GRID2: variants seen among roughly 807,000 people sequenced by gnomAD.
The protein encoded by GRID2 is glutamate receptor ionotropic, delta-2.
Under a neutral mutation model 114.8 loss-of-function variants are expected in GRID2, and 33 were observed. That is an observed-to-expected ratio of 0.29 (90% CI 0.22 to 0.38). The LOEUF is 0.38. GRID2 is among the 10% of genes least tolerant of loss of function. The pLI is 1.00. For synonymous variants in GRID2, 505 were observed against 449.9 expected (o/e 1.12, Z -1.55); for missense variants, 1,184 against 1,257.7 (o/e 0.94, Z 0.89).
intron 1 of GRID2, among the ~76,000 whole-genome samples, chr4:92,438,578 CTGTGTG>C (rs34304139): frequency 1.0e-4 from 15 of 146,976 alleles, no homozygotes; most frequent in Non-Finnish European, 1.2e-4. Context: ...AGTTTACCTT[CTGTGTG>C]TGTGTGTGTG....
At chr4:93,396,207 C>T (rs1045635272) in intron 9 of GRID2, among the ~76,000 whole-genome samples, 1 of 151,962 alleles carries the variant, frequency 6.6e-6, no homozygotes, top group African/African-American at 2.4e-5. Flanking sequence ...CATCTACTGT[C>T]GACTGTATTC....
intron 13 of GRID2, among the ~76,000 whole-genome samples, chr4:93,526,157 G>A (rs943980452): frequency 3.3e-5 from 5 of 152,126 alleles, no homozygotes; most frequent in Non-Finnish European, 5.9e-5. Flanking sequence ...GATCATGGGC[G>A]TAGTTTCTCC....
chr4:92,963,888 G>A (rs1361930979), intron 2 of GRID2, among the ~76,000 whole-genome samples: 2 of 151,968 alleles, frequency 1.3e-5, no homozygotes, highest in African/African-American at 4.8e-5. Context: ...GCTGCAGAAT[G>A]GATGTTGTGT....
At chr4:92,907,814 A>G (rs567538133) in intron 2 of GRID2, among the ~76,000 whole-genome samples, 1 of 151,968 alleles carries the variant, frequency 6.6e-6, no homozygotes, top group Non-Finnish European at 1.5e-5. Flanking sequence ...ACCTGAGGTT[A>G]GGAGTTCGAG....
intron 1 of GRID2, among the ~76,000 whole-genome samples, chr4:92,433,620 G>A (rs1732582612): frequency 6.6e-6 from 1 of 152,150 alleles, no homozygotes. Flanking sequence ...GGTGGCATTA[G>A]CAATTCAAGA....
At chr4:93,145,608 G>GAC (rs1736141132) in intron 4 of GRID2, among the ~76,000 whole-genome samples, 1 of 137,434 alleles carries the variant, frequency 7.3e-6, no homozygotes, top group Non-Finnish European at 1.5e-5. Context: ...ACAGGTGCCT[G>GAC]ACACCCCACC....
intron 1 of GRID2, among the ~76,000 whole-genome samples, chr4:93,790,335 G>A (rs1164618613): frequency 1.3e-5 from 2 of 152,062 alleles, no homozygotes; most frequent in Non-Finnish European, 2.9e-5. Context: ...AAATGAGCAT[G>A]ACTAATTCAA....
chr4:92,351,265 A>C (rs74577639), intron 1 of GRID2, among the ~76,000 whole-genome samples: 2,284 of 151,924 alleles, frequency 0.015, 48 homozygotes, highest in African/African-American at 0.052. Context: ...CTTTTCCAAA[A>C]CAGCTGCATT....
chr4:93,342,270 T>C (rs1036409767), intron 8 of GRID2, among the ~76,000 whole-genome samples: 1 of 152,150 alleles, frequency 6.6e-6, no homozygotes, highest in Non-Finnish European at 1.5e-5. Flanking sequence ...CTAAATTTGC[T>C]AAAACCACCA....
At position 93,528,790 on chromosome 4, in the gene GRID2, C is replaced by T. The variant is rs368942522; in HGVS notation, c.2193+13379C>T. On this transcript the variant is annotated intron_variant, in intron 13 of 15. Coordinates refer to ENST00000282020, the MANE Select transcript of GRID2 (RefSeq NM_001510.4). ...TATGTATAGTTCAACAGAACAAAAA[C>T]TCATGTTATTCGGACACATCCAATT... 8.5e-5 allele frequency among the ~76,000 whole-genome samples: 13 copies of T among 152,268 alleles called. No individual in the cohort carries two copies. In the South Asian group the frequency reaches 1.0e-3, roughly 12 times the overall value.
chr4:92,535,263 GTAACTTT>G (rs1242439042), intron 1 of GRID2, among the ~76,000 whole-genome samples: 1 of 152,132 alleles, frequency 6.6e-6, no homozygotes, highest in East Asian at 1.9e-4. Context: ...AAATATAAGC[GTAACTTT>G]TAAGTGTTGT....
chr4:93,048,439 G>A (rs1726373188), intron 2 of GRID2, among the ~76,000 whole-genome samples: 1 of 151,904 alleles, frequency 6.6e-6, no homozygotes, highest in Non-Finnish European at 1.5e-5. Flanking sequence ...TACCTTCTCA[G>A]GTATCTGGTT....
At chr4:92,347,873 G>A (rs193112220) in intron 1 of GRID2, among the ~76,000 whole-genome samples, 42 of 152,088 alleles carry the variant, frequency 2.8e-4, no homozygotes, top group East Asian at 5.8e-4. Flanking sequence ...GTAATATTAC[G>A]TAATTGTAAT....
chr4:93,794,446 C>G (rs1434755216), intron 1 of GRID2, among the ~76,000 whole-genome samples: 1 of 152,198 alleles, frequency 6.6e-6, no homozygotes, highest in Non-Finnish European at 1.5e-5. Flanking sequence ...AAAAACCCAC[C>G]AGAACGACTT....
At chr4:93,387,322 C>T (rs1764415256) in intron 8 of GRID2, among the ~76,000 whole-genome samples, 1 of 152,120 alleles carries the variant, frequency 6.6e-6, no homozygotes. Context: ...ATTTTATTCT[C>T]TCCAGAGTTA....
chr4:93,448,564 A>G (rs1390629992), intron 10 of GRID2, among the ~76,000 whole-genome samples: 1 of 151,990 alleles, frequency 6.6e-6, no homozygotes, highest in African/African-American at 2.4e-5. Flanking sequence ...CCATTTAAGT[A>G]CTTTATTACA....
chr4:92,474,047 C>T (rs1722175518), intron 1 of GRID2, among the ~76,000 whole-genome samples: 1 of 150,630 alleles, frequency 6.6e-6, no homozygotes, highest in Admixed American at 6.6e-5. Context: ...GGTCTATTCT[C>T]TTAGCAAATT....
intron 2 of GRID2, among the ~76,000 whole-genome samples, chr4:92,921,606 G>T (rs1053882839): frequency 2.6e-5 from 4 of 152,160 alleles, no homozygotes; most frequent in African/African-American, 9.7e-5. Context: ...GTTTGCTGGA[G>T]GTCCACTCCA....
At chr4:93,272,408 G>T (rs1290646287) in intron 8 of GRID2, among the ~76,000 whole-genome samples, 1 of 152,206 alleles carries the variant, frequency 6.6e-6, no homozygotes, top group African/African-American at 2.4e-5. Flanking sequence ...GAGCTGGGCT[G>T]AGCAGAAGGG....
Sources: allele counts gnomAD v4.1 joint callset (sites outside exome capture counted in the v4.1 genomes callset), GRCh38; gene constraint gnomAD v4.1.1; transcripts MANE v1.5; gene names NCBI Gene and HGNC (gene_info 2026-07-23, HGNC 2026-07-21).